The following COL27A1 variants were observed in gnomAD, a reference collection of about 807,000 sequenced individuals.
COL27A1 encodes the protein collagen type XXVII alpha 1 chain, also known as collagen alpha-1(XXVII) chain.
Under a neutral mutation model 251.3 loss-of-function variants are expected in COL27A1, and 106 were observed. That is an observed-to-expected ratio of 0.42 (90% confidence interval 0.36 to 0.50). The LOEUF (loss-of-function observed/expected upper bound fraction) is 0.50. COL27A1 is among the 20% of genes least tolerant of loss of function. COL27A1 has a pLI of 0.00. For missense variants in COL27A1, 2,325 were observed against 2,522.8 expected, an observed-to-expected ratio of 0.92 and a Z score of 1.68; for synonymous variants, 1,000 against 986.3, an observed-to-expected ratio of 1.01 and a Z score of -0.26.
chr9:114,169,495 G>A (rs1455785698), intron 3 of COL27A1, 32 bp downstream of exon 3: 1 of 1,473,104 alleles, frequency 6.8e-7, no homozygotes, highest in African/African-American at 1.4e-5. Flanking sequence ...ATGCTGCTTG[G>A]AGCTCCAGTG....
intron 10 of COL27A1, among the ~76,000 whole-genome samples, chr9:114,207,228 G>A (rs767126115): frequency 2.2e-4 from 34 of 152,328 alleles, no homozygotes; most frequent in Admixed American, 1.2e-3. Context: ...GGAGGGAGAG[G>A]ACAGAACAGT....
intron 12 of COL27A1, among the ~76,000 whole-genome samples, chr9:114,219,312 C>T (rs528566457): frequency 5.5e-4 from 83 of 152,292 alleles, no homozygotes; most frequent in African/African-American, 1.9e-3. Flanking sequence ...TTCACAGCCT[C>T]GTTTCCTTTA....
At chr9:114,183,802 G>C (rs1294202702) in intron 5 of COL27A1, among the ~76,000 whole-genome samples, 2 of 152,140 alleles carry the variant, frequency 1.3e-5, no homozygotes, top group Non-Finnish European at 2.9e-5. Context: ...CTGGCGCAGA[G>C]ATGCCACCTC....
At chr9:114,301,518 T>C in intron 54 of COL27A1, 56 bp downstream of exon 54, 1 of 1,583,954 alleles carries the variant, frequency 6.3e-7, no homozygotes, top group South Asian at 1.1e-5. Context: ...GCACCCTGCA[T>C]TCTCCTCCCG....
intron 17 of COL27A1, 78 bp downstream of exon 17, chr9:114,235,730 G>C (rs1832344351): frequency 9.9e-6 from 11 of 1,111,076 alleles, no homozygotes; most frequent in Non-Finnish European, 1.5e-5. Context: ...TCCTTCCTAG[G>C]GTCCATCATG....
At chr9:114,157,098 A>G (rs1216466698) in intron 1 of COL27A1, among the ~76,000 whole-genome samples, 13 of 133,068 alleles carry the variant, frequency 9.8e-5, no homozygotes, top group Non-Finnish European at 2.2e-4. Context: ...ACACACACAC[A>G]CACACATACG....
intron 3 of COL27A1, among the ~76,000 whole-genome samples, chr9:114,174,422 A>G (rs1305656521): frequency 6.6e-6 from 1 of 152,184 alleles, no homozygotes; most frequent in Admixed American, 6.5e-5. Context: ...GTCTCCTCAC[A>G]GAAGCAGGGG....
At chr9:114,204,072 G>A (rs1165027951) in intron 7 of COL27A1, among the ~76,000 whole-genome samples, 2 of 152,170 alleles carry the variant, frequency 1.3e-5, no homozygotes, top group Non-Finnish European at 2.9e-5. Context: ...GTGCGCGTGT[G>A]TGTATTCTGG....
chr9:114,300,883 C>T (rs912737810), intron 51 of COL27A1, among the ~76,000 whole-genome samples, 189 bp from the exon 52 acceptor site: 1 of 152,200 alleles, frequency 6.6e-6, no homozygotes, highest in Non-Finnish European at 1.5e-5. Flanking sequence ...CACTCTTGCC[C>T]CCATCGCCCC....
chr9:114,285,162 G>A (rs1212905232), intron 41 of COL27A1, among the ~76,000 whole-genome samples: 1 of 152,226 alleles, frequency 6.6e-6, no homozygotes, highest in Non-Finnish European at 1.5e-5. Context: ...TGAAGAGTGG[G>A]GAGAGGATGC....
intron 27 of COL27A1, 29 bp from the exon 28 acceptor site, chr9:114,258,512 C>A (rs201022180): frequency 2.1e-5 from 34 of 1,605,746 alleles, no homozygotes; most frequent in East Asian, 2.0e-4. Context: ...TAAAAAGGGG[C>A]CTCTCCAAAC....
Position 114,290,782 on chromosome 9 carries a change from G to T in COL27A1, c.4369-28G>T. On this transcript the variant is annotated intron_variant, in intron 47 of 60. Transcript: ENST00000356083. The surrounding 1 kb of genome is among the most constrained non-coding windows in gnomAD (Gnocchi z 4.6). ...CTTGGCTGTATCGTGAAACACAAGA[G>T]ACCCTCCTCTGCCTGCTTTCTTAAC... 1 of 1,499,684 alleles carries T rather than the reference G, an allele frequency of 6.7e-7. No homozygotes were observed. The highest frequency in any genetic ancestry group is 1.2e-5 in the South Asian group (1 of 81,168). The allele number at this position is 1,499,684 out of a possible 1,614,324, so 92.9% of individuals were successfully genotyped here.
At chr9:114,202,550 G>GA (rs1829651167) in intron 7 of COL27A1, among the ~76,000 whole-genome samples, 1 of 152,052 alleles carries the variant, frequency 6.6e-6, no homozygotes, top group Admixed American at 6.5e-5. Flanking sequence ...ACATCATGTC[G>GA]CGCTACCTCC....
intron 3 of COL27A1, among the ~76,000 whole-genome samples, chr9:114,176,146 A>G (rs1827421054): frequency 6.6e-6 from 1 of 152,126 alleles, no homozygotes; most frequent in Non-Finnish European, 1.5e-5. Context: ...TTCCTCTCTG[A>G]ACCTCTCTCT....
At chr9:114,228,385 A>G (rs1225772464) in intron 14 of COL27A1, among the ~76,000 whole-genome samples, 1 of 152,118 alleles carries the variant, frequency 6.6e-6, no homozygotes, top group Non-Finnish European at 1.5e-5. Context: ...ATCAGGGGGA[A>G]CTCTGGGCGG....
chr9:114,169,728 G>T (rs570224319), intron 3 of COL27A1, among the ~76,000 whole-genome samples: 33 of 152,358 alleles, frequency 2.2e-4, no homozygotes, highest in African/African-American at 6.0e-4. Context: ...CCTGGGCTTT[G>T]GTTGGCCCAG....
rs754901557 is a variant in COL27A1, at chr9:114,168,842, C to T, written c.1287C>T (p.Asn429=). 7.4e-6 allele frequency: 12 copies of T among 1,614,022 alleles called. No homozygotes were observed. Among genetic ancestry groups the T allele is most frequent in the Non-Finnish European group, 9.3e-6 (11 of 1,180,010 alleles). ...CCGCAGAGAAGCCCATCCAGAGGAA[C>T]CCGGGAATGCCCAGGCCCCCACCGC... ...SRPAEKPIQR[N]PGMPRPPPPS... is the part of the protein sequence containing the mutation. Residue 429 remains asparagine, a synonymous_variant, in exon 3 of 61, where the codon AAC becomes AAT. Coordinates refer to ENST00000356083, the MANE Select transcript of COL27A1 (RefSeq NM_032888.4).
At chr9:114,216,558 T>C (rs1166975205) in intron 12 of COL27A1, among the ~76,000 whole-genome samples, 1 of 152,144 alleles carries the variant, frequency 6.6e-6, no homozygotes, top group African/African-American at 2.4e-5. Context: ...GAGGGGGTCT[T>C]GGGTGTGTTC....
rs1168055278 is a variant in COL27A1, at chr9:114,209,650, T to C, written c.2269-25T>C. ...GCCACACCTCACTGCTTGACCGCTC[T>C]GACCCCCTTTCTTCTCTTTCCTAGG... On this transcript the variant is annotated intron_variant, in intron 10 of 60. Coordinates refer to ENST00000356083, the MANE Select transcript of COL27A1 (RefSeq NM_032888.4). The C allele has an allele frequency of 1.9e-6, 3 of 1,613,708 alleles. No homozygotes were observed. The Admixed American group carries it at 5.0e-5, about 27-fold the overall frequency.
Sources: allele counts gnomAD v4.1 joint callset (sites outside exome capture counted in the v4.1 genomes callset), GRCh38; gene constraint gnomAD v4.1.1; non-coding constraint Gnocchi (gnomAD v3.1); transcripts MANE v1.5; gene names NCBI Gene and HGNC (gene_info 2026-07-23, HGNC 2026-07-21).